Variants in MYO16 observed in about 807,000 individuals in gnomAD.
MYO16 encodes the protein myosin XVI, also known as unconventional myosin-XVI.
Under a neutral mutation model 205.3 loss-of-function variants are expected in MYO16, and 94 were observed. The ratio of observed to expected loss-of-function variants is 0.46; its 90% CI spans 0.39 to 0.54. The LOEUF (loss-of-function observed/expected upper bound fraction) is 0.54. MYO16 is among the 20% of genes least tolerant of loss of function. MYO16 has a pLI of 0.00. For missense variants in MYO16, 2,315 were observed against 2,387.5 expected (o/e 0.97, Z 0.63); for synonymous variants, 988 against 954.0 (o/e 1.04, Z -0.66).
the MYO16 span, among the ~76,000 whole-genome samples, chr13:108,568,508 C>T: frequency 3.3e-5 from 5 of 152,130 alleles, no homozygotes; most frequent in Admixed American, 1.3e-4. Flanking sequence ...ATGATCTACC[C>T]AAATTCCTTG....
At chr13:108,855,697 A>C (rs1246042079) in intron 11 of MYO16, 144 bp downstream of exon 11, 4 of 567,706 alleles carry the variant, frequency 7.0e-6, no homozygotes, top group Non-Finnish European at 1.2e-5. Flanking sequence ...TCTTAAGGTG[A>C]GTTTAGCTTC....
chr13:108,776,431 C>T (rs1886126791), intron 4 of MYO16, among the ~76,000 whole-genome samples: 1 of 152,166 alleles, frequency 6.6e-6, no homozygotes, highest in Admixed American at 6.5e-5. Flanking sequence ...CAGTTCACAC[C>T]TCCTTGGTAT....
intron 32 of MYO16, among the ~76,000 whole-genome samples, chr13:109,144,724 A>G (rs756926512): frequency 1.3e-5 from 2 of 152,236 alleles, no homozygotes; most frequent in Non-Finnish European, 2.9e-5. Flanking sequence ...CAATTTTCAT[A>G]GGAGAAAATT....
chr13:108,855,889 CCT>C (rs2139101903), intron 11 of MYO16, among the ~76,000 whole-genome samples: 1 of 152,284 alleles, frequency 6.6e-6, no homozygotes, highest in South Asian at 2.1e-4. Flanking sequence ...CTGTCTGTCT[CCT>C]CTACTTTTCT....
chr13:108,869,339 A>G (rs1878896068), intron 12 of MYO16, among the ~76,000 whole-genome samples: 1 of 152,172 alleles, frequency 6.6e-6, no homozygotes, highest in African/African-American at 2.4e-5. Flanking sequence ...CATAGTGTTC[A>G]TTAAATGTTT....
intron 3 of MYO16, among the ~76,000 whole-genome samples, chr13:108,724,484 AT>A (rs1272861787): frequency 6.6e-6 from 1 of 152,070 alleles, no homozygotes; most frequent in East Asian, 1.9e-4. Context: ...CATTTAGAAT[AT>A]TTGCACTTAC....
chr13:108,776,844 G>A (rs866071949), intron 4 of MYO16, among the ~76,000 whole-genome samples: 5 of 152,094 alleles, frequency 3.3e-5, no homozygotes, highest in African/African-American at 4.8e-5. Context: ...TTTCTCCAAG[G>A]TCACGTGACT....
intron 4 of MYO16, among the ~76,000 whole-genome samples, chr13:108,771,977 T>C (rs1161344782): frequency 6.6e-6 from 1 of 152,142 alleles, no homozygotes; most frequent in East Asian, 1.9e-4. Flanking sequence ...GGTGTTTGTG[T>C]GGATGTAAGT....
chr13:108,748,028 G>C (rs2139628856), intron 4 of MYO16, among the ~76,000 whole-genome samples: 1 of 152,154 alleles, frequency 6.6e-6, no homozygotes, highest in East Asian at 1.9e-4. Context: ...TTTACAGAAT[G>C]TTCCAGCCAA....
chr13:108,723,949 C>T (rs2139576552), intron 3 of MYO16, among the ~76,000 whole-genome samples: 1 of 152,222 alleles, frequency 6.6e-6, no homozygotes, highest in East Asian at 1.9e-4. Flanking sequence ...TCTTCTGACC[C>T]AAGAACACAC....
At chr13:108,928,737 T>A (rs1182078054) in intron 16 of MYO16, among the ~76,000 whole-genome samples, 1 of 152,206 alleles carries the variant, frequency 6.6e-6, no homozygotes, top group Non-Finnish European at 1.5e-5. Context: ...GTATTTTCTT[T>A]TCAGCTTAAA....
rs185773612 is a variant in MYO16, at chr13:109,020,677, C to T, written c.2796+766C>T. Among the ~76,000 whole-genome samples, 347 of 152,248 alleles carry T rather than the reference C, an allele frequency of 2.3e-3. 1 individual carries two copies. Among genetic ancestry groups the T allele is most frequent in the African/African-American group, 8.0e-3 (334 of 41,546 alleles). On this transcript the variant is annotated intron_variant, in intron 23 of 34. Transcript: ENST00000457511. ...ATGTTTGTTTATCCTCAGTCCAAAT[C>T]CCAGCTGTAGTTAATGTCTTCCACT...
intron 7 of MYO16, among the ~76,000 whole-genome samples, chr13:108,813,479 A>C (rs752979447): frequency 3.7e-4 from 57 of 152,300 alleles, no homozygotes; most frequent in Non-Finnish European, 6.8e-4. Flanking sequence ...GGAAGGAATG[A>C]GTGCTGGCTC....
At chr13:108,796,661 G>A (rs1010024400) in intron 6 of MYO16, among the ~76,000 whole-genome samples, 19 of 151,464 alleles carry the variant, frequency 1.3e-4, no homozygotes, top group Non-Finnish European at 7.4e-5. Flanking sequence ...GCAAACTATC[G>A]CAAGGACAAA....
intron 34 of MYO16, among the ~76,000 whole-genome samples, chr13:109,201,134 G>GT (rs1183107361): frequency 6.6e-6 from 1 of 151,930 alleles, no homozygotes; most frequent in Non-Finnish European, 1.5e-5. Context: ...CGTTCTTTTA[G>GT]ATTAATTGGA....
At chr13:108,819,267 A>C (rs1206203390) in intron 7 of MYO16, among the ~76,000 whole-genome samples, 1 of 152,220 alleles carries the variant, frequency 6.6e-6, no homozygotes, top group Non-Finnish European at 1.5e-5. Context: ...GTACAATACT[A>C]TTCCATGCAG....
intron 4 of MYO16, among the ~76,000 whole-genome samples, chr13:108,774,246 C>T (rs1236186028): frequency 1.3e-5 from 2 of 151,980 alleles, no homozygotes; most frequent in Admixed American, 6.6e-5. Context: ...AAATATACAC[C>T]TCTTGGTTCA....
intron 16 of MYO16, among the ~76,000 whole-genome samples, chr13:108,910,869 G>A (rs1881223227): frequency 6.6e-6 from 1 of 152,062 alleles, no homozygotes; most frequent in Non-Finnish European, 1.5e-5. Flanking sequence ...TGGCGGTGGG[G>A]GGCGGTGGTG....
chr13:109,093,528 T>C (rs985243926), intron 27 of MYO16, among the ~76,000 whole-genome samples: 11 of 152,178 alleles, frequency 7.2e-5, no homozygotes, highest in South Asian at 2.1e-4. Context: ...TGCTTCTCAG[T>C]CACAGTATTT....
Sources: gnomAD v4.1 joint callset for allele counts (sites outside exome capture counted in the v4.1 genomes callset) on GRCh38, gnomAD v4.1.1 for gene constraint, MANE v1.5 for transcripts, NCBI Gene and HGNC (gene_info 2026-07-23, HGNC 2026-07-21) for gene names.